Variants in CPLX2 observed in about 807,000 individuals in gnomAD.
The protein encoded by CPLX2 is complexin 2.
A neutral mutation model predicts 16.3 loss-of-function variants in CPLX2; 5 were observed. The observed-to-expected ratio is 0.31, with a 90% confidence interval of 0.16 to 0.64. The LOEUF is 0.64. CPLX2 is among the 30% of genes least tolerant of loss of function. The probability of loss-of-function intolerance (pLI) is 0.79; values close to 1 mark genes in which losing one functional copy is unlikely to be tolerated. For synonymous variants in CPLX2, 89 were observed against 73.2 expected (o/e 1.22, Z -1.10); for missense variants, 144 against 181.4 (o/e 0.79, Z 1.18).
At chr5:175,869,217 C>A (rs1759534317), upstream of CPLX2, among the ~76,000 whole-genome samples, 1 of 152,122 alleles carries the variant, frequency 6.6e-6, no homozygotes, top group South Asian at 2.1e-4. Flanking sequence ...ATGAAGTCAC[C>A]AAAACTTGGC....
chr5:175,803,432 G>A (rs1758137852), intron 1 of CPLX2, among the ~76,000 whole-genome samples: 1 of 152,114 alleles, frequency 6.6e-6, no homozygotes, highest in Non-Finnish European at 1.5e-5. Flanking sequence ...CGAGGAGGAT[G>A]AGGCTGTTTA....
intron 2 of CPLX2, among the ~76,000 whole-genome samples, chr5:175,812,455 C>G (rs1198884107): frequency 6.6e-6 from 1 of 152,170 alleles, no homozygotes; most frequent in Non-Finnish European, 1.5e-5. Flanking sequence ...AATCTGGGTA[C>G]AGATTTTAGA....
Position 175,845,812 on chromosome 5 carries a change from G to C in CPLX2, c.-88-32840G>C, listed in dbSNP as rs1009028116. ...AGGCAGAACTTACACCCAGGCCTTT[G>C]GGCTGCTAAGGGCAAAGTTTTCTCC... On this transcript the variant is annotated intron_variant, in intron 2 of 4. Coordinates refer to the CPLX2 transcript ENST00000359546. The surrounding 1 kb of genome is among the most constrained non-coding windows in gnomAD (Gnocchi z 4.0). Among the ~76,000 whole-genome samples the C allele has an allele frequency of 6.6e-6, 1 of 152,080 alleles. No individual in the cohort carries two copies. Among genetic ancestry groups the C allele is most frequent in the African/African-American group, 2.4e-5 (1 of 41,420 alleles).
chr5:175,800,726 G>A (rs1346920066), intron 1 of CPLX2, among the ~76,000 whole-genome samples: 1 of 152,186 alleles, frequency 6.6e-6, no homozygotes, highest in Admixed American at 6.5e-5. Context: ...GCTATTCTGT[G>A]TCGGGCACCA....
At chr5:175,823,462 G>A (rs1758550526) in intron 2 of CPLX2, among the ~76,000 whole-genome samples, 1 of 152,186 alleles carries the variant, frequency 6.6e-6, no homozygotes, top group South Asian at 2.1e-4. Context: ...ATAGATAGAT[G>A]GATGGATGAA....
intron 1 of CPLX2, among the ~76,000 whole-genome samples, chr5:175,806,415 G>C (rs987916061): frequency 6.6e-6 from 1 of 152,158 alleles, no homozygotes; most frequent in African/African-American, 2.4e-5. Flanking sequence ...AGGCACCTTA[G>C]AGAAACCTGT....
At chr5:175,799,576 A>ATATATAT (rs1758054785) in intron 1 of CPLX2, among the ~76,000 whole-genome samples, 1 of 142,502 alleles carries the variant, frequency 7.0e-6, no homozygotes, top group Non-Finnish European at 1.5e-5. Flanking sequence ...ATATATATAT[A>ATATATAT]GTAATCACAG....
At chr5:175,798,276 T>A (rs1299231469) in intron 1 of CPLX2, among the ~76,000 whole-genome samples, 1 of 152,190 alleles carries the variant, frequency 6.6e-6, no homozygotes, top group Non-Finnish European at 1.5e-5. Flanking sequence ...TGTAATGAGC[T>A]TAGTGGCACA....
chr5:175,850,495 G>T (rs1353948878), intron 2 of CPLX2, among the ~76,000 whole-genome samples: 1 of 152,162 alleles, frequency 6.6e-6, no homozygotes, highest in Non-Finnish European at 1.5e-5. Flanking sequence ...CTAGACTCTG[G>T]CCAACACACC....
chr5:175,838,140 C>T (rs946350963), intron 2 of CPLX2, among the ~76,000 whole-genome samples: 4 of 152,012 alleles, frequency 2.6e-5, no homozygotes, highest in East Asian at 3.9e-4. Flanking sequence ...AAACATAGAC[C>T]GGGAAATTTT....
At chr5:175,876,896 A>G (rs1015822962) in intron 1 of CPLX2, among the ~76,000 whole-genome samples, 3 of 152,220 alleles carry the variant, frequency 2.0e-5, no homozygotes, top group Admixed American at 2.0e-4. Context: ...GAGCTGAGCA[A>G]CCTGCAAACT....
At chr5:175,828,482 G>A (rs1758664107) in intron 2 of CPLX2, among the ~76,000 whole-genome samples, 1 of 152,190 alleles carries the variant, frequency 6.6e-6, no homozygotes, top group South Asian at 2.1e-4. Context: ...CAGAGCTATT[G>A]CAAAACAAAT....
rs1483373859 is a variant in CPLX2 at position 175,809,335 on chromosome 5, AC to A, written c.-89+268del. ...GAGGTGGATATTATTATCCCCAGTT[AC>A]AGATGAGAAAACTGAAGCTCAGAGA... On this transcript the variant is annotated intron_variant, in intron 2 of 4. Coordinates refer to the CPLX2 transcript ENST00000359546. This position sits in a 1 kb window ranked among gnomAD's most constrained non-coding sequence, Gnocchi z 4.4. 5.3e-5 allele frequency: 8 copies of A among 152,222 alleles called. No homozygotes were observed. The highest frequency in any genetic ancestry group is 8.8e-5 in the Non-Finnish European group (6 of 68,036). The allele number at this position is 152,222 out of a possible 1,614,324, so 9.4% of individuals were successfully genotyped here. A position where few individuals can be genotyped will look rare whatever the true frequency, so the allele number is the denominator to read the frequency against.
intron 2 of CPLX2, among the ~76,000 whole-genome samples, chr5:175,866,437 G>C (rs1050934804): frequency 7.2e-5 from 11 of 152,246 alleles, no homozygotes; most frequent in Admixed American, 2.6e-4. Flanking sequence ...ATGGGGGCAA[G>C]GAGACTGCAG....
At chr5:175,851,294 T>C (rs954979178) in intron 2 of CPLX2, among the ~76,000 whole-genome samples, 11 of 152,118 alleles carry the variant, frequency 7.2e-5, no homozygotes, top group Non-Finnish European at 5.9e-5. Flanking sequence ...CAGGTCCAGT[T>C]GGGGCCAGGT....
chr5:175,824,142 CTTTT>C (rs1156315985), intron 2 of CPLX2, among the ~76,000 whole-genome samples: 2 of 152,176 alleles, frequency 1.3e-5, no homozygotes, highest in African/African-American at 2.4e-5. Context: ...TCAAGGACGC[CTTTT>C]TTTCTTTCCC....
intron 3 of CPLX2, 77 bp from the exon 4 acceptor site, chr5:175,879,771 T>A (rs1755524200): frequency 2.2e-6 from 3 of 1,389,764 alleles, no homozygotes; most frequent in Non-Finnish European, 3.0e-6. Flanking sequence ...CCTCAGCCAG[T>A]GCTGCATGAT....
chr5:175,799,524 T>G, intron 1 of CPLX2, among the ~76,000 whole-genome samples: 1 of 122,906 alleles, frequency 8.1e-6, no homozygotes, highest in African/African-American at 3.3e-5. Context: ...ATCTTTGAGA[T>G]CCCTTTGCAA....
chr5:175,849,567 T>C lies in CPLX2; in HGVS notation c.-88-29085T>C, dbSNP rs1759112374. 6.6e-6 allele frequency among the ~76,000 whole-genome samples: 1 copy of C among 152,154 alleles called. No individual in the cohort carries two copies. The highest frequency in any genetic ancestry group is 2.1e-4 in the South Asian group (1 of 4,824). On this transcript the variant is annotated intron_variant, in intron 2 of 4. Coordinates refer to the CPLX2 transcript ENST00000359546. The surrounding 1 kb of genome is among the most constrained non-coding windows in gnomAD (Gnocchi z 4.4). ...AGACTCTCCCTGCACAAGGGGGTGC[T>C]ACCACGCTGGACAGGGGACCACACT...
Sources: gnomAD v4.1 joint callset for allele counts (sites outside exome capture counted in the v4.1 genomes callset) on GRCh38, gnomAD v4.1.1 for gene constraint, Gnocchi (gnomAD v3.1) non-coding constraint, MANE v1.5 for transcripts, NCBI Gene and HGNC (gene_info 2026-07-23, HGNC 2026-07-21) for gene names.